Variants in RNF212 observed in about 807,000 individuals in gnomAD.
The protein encoded by RNF212 is probable E3 SUMO-protein ligase RNF212.
Under a neutral mutation model 34.7 loss-of-function variants are expected in RNF212, and 33 were observed. The observed-to-expected ratio is 0.95, with a 90% CI of 0.72 to 1.27. The LOEUF is 1.27. RNF212 is among the 50% of genes most tolerant of loss of function. The pLI, the probability that RNF212 is intolerant of heterozygous loss-of-function variation, is 0.00. For synonymous variants in RNF212, 140 were observed against 136.1 expected (o/e 1.03, Z -0.20); for missense variants, 377 against 362.2 (o/e 1.04, Z -0.33).
intron 3 of RNF212, among the ~76,000 whole-genome samples, chr4:1,062,186 A>C (rs1016974058): frequency 6.6e-6 from 1 of 152,208 alleles, no homozygotes; most frequent in Non-Finnish European, 1.5e-5. Flanking sequence ...CAAGGAAAGA[A>C]GTGTGCTGAC....
chr4:1,097,759 C>T (rs796350278), intron 2 of RNF212, among the ~76,000 whole-genome samples: 51 of 152,178 alleles, frequency 3.4e-4, no homozygotes, highest in African/African-American at 9.6e-4. Flanking sequence ...ATGGAGCTGC[C>T]GTGAGCTAGA....
chr4:1,090,636 A>G (rs1166919196), intron 4 of RNF212, 146 bp downstream of exon 4: 5 of 641,860 alleles, frequency 7.8e-6, no homozygotes, highest in Non-Finnish European at 1.4e-5. Flanking sequence ...AGACAGTGAC[A>G]ACGTCCCCAT....
rs768615442 is a variant in RNF212, at chr4:1,113,513, G to C, written c.-49C>G. The C allele has an allele frequency of 1.3e-6, 2 of 1,507,662 alleles. No individual in the cohort carries two copies. The highest frequency in any genetic ancestry group is 1.2e-5 in the South Asian group (1 of 86,080). 93.4% of individuals were successfully genotyped at this position (1,507,662 alleles called of 1,614,324 possible). A position where few individuals can be genotyped will look rare whatever the true frequency, so the allele number is the denominator to read the frequency against. ...GAGGCCGGGCCCACGCGAAGCCCAC[G>C]CAAGGTTGGGACCAGCCTCCCCGCG... On this transcript the variant is annotated 5_prime_UTR_variant, in exon 1 of 10. Coordinates refer to ENST00000433731, the MANE Select transcript of RNF212 (RefSeq NM_001131034.4).
At chr4:1,092,745 G>C (rs1560136401) in intron 3 of RNF212, among the ~76,000 whole-genome samples, 1 of 152,256 alleles carries the variant, frequency 6.6e-6, no homozygotes, top group African/African-American at 2.4e-5. Context: ...GGGCCCCAAG[G>C]AAGAGCTGCC....
chr4:1,056,746 T>A, intron 4 of RNF212: 1 of 707,006 alleles, frequency 1.4e-6, no homozygotes, highest in Non-Finnish European at 1.7e-6. Context: ...TAGAGCTCCA[T>A]GGCTGCCCTT....
chr4:1,099,141 T>C (rs930281989), intron 2 of RNF212, among the ~76,000 whole-genome samples: 1 of 152,142 alleles, frequency 6.6e-6, no homozygotes, highest in Non-Finnish European at 1.5e-5. Context: ...CAGCCATTCC[T>C]CCACCCCGGC....
In RNF212 at chr4:1,113,543, G is replaced by T; in HGVS notation, c.-79C>A. 8.3e-7 allele frequency: 1 copy of T among 1,210,442 alleles called. No homozygotes were observed. Among genetic ancestry groups the T allele is most frequent in the Non-Finnish European group, 1.2e-6 (1 of 859,524 alleles). 75.0% of individuals were successfully genotyped at this position (1,210,442 alleles called of 1,614,324 possible). A position where few individuals can be genotyped will look rare whatever the true frequency, so the allele number is the denominator to read the frequency against. The stretch of plus-strand genomic sequence containing the variant: ...GTTGGGACCAGCCTCCCCGCGCAGG[G>T]CCCGAAGGCGGGCAGCTCTGCGCCT... On this transcript the variant is annotated 5_prime_UTR_variant, in exon 1 of 10. Transcript: ENST00000433731.
At chr4:1,082,149 G>A (rs1450808139) in intron 5 of RNF212, among the ~76,000 whole-genome samples, 1 of 152,106 alleles carries the variant, frequency 6.6e-6, no homozygotes, top group Non-Finnish European at 1.5e-5. Context: ...AGGGGAAAGG[G>A]AAAGGAAAGA....
chr4:1,084,354 G>A (rs1324794276), intron 5 of RNF212, among the ~76,000 whole-genome samples: 1 of 152,180 alleles, frequency 6.6e-6, no homozygotes, highest in Non-Finnish European at 1.5e-5. Flanking sequence ...AGGAGGCTTT[G>A]CTGTCCACAT....
chr4:1,079,264 G>A (rs1033184436), intron 8 of RNF212, among the ~76,000 whole-genome samples: 8 of 142,044 alleles, frequency 5.6e-5, no homozygotes, highest in South Asian at 2.3e-4. Context: ...GGACCAACAT[G>A]GGACCAACAC....
At chr4:1,102,167 G>T (rs913716378) in intron 2 of RNF212, among the ~76,000 whole-genome samples, 2 of 152,006 alleles carry the variant, frequency 1.3e-5, no homozygotes, top group African/African-American at 4.8e-5. Flanking sequence ...ACTAAATCCA[G>T]ACAAAAAGGA....
At chr4:1,090,286 G>T (rs1721980719) in intron 4 of RNF212, among the ~76,000 whole-genome samples, 1 of 152,068 alleles carries the variant, frequency 6.6e-6, no homozygotes, top group African/African-American at 2.4e-5. Flanking sequence ...TCCAGGTTTG[G>T]GTGTACACAG....
At chr4:1,083,041 T>A (rs747946336) in intron 5 of RNF212, among the ~76,000 whole-genome samples, 10 of 151,956 alleles carry the variant, frequency 6.6e-5, no homozygotes, top group Non-Finnish European at 1.5e-4. Flanking sequence ...CTGGGGCGGG[T>A]CAGCTGGGCT....
At chr4:1,112,201 T>C (rs1725789698) in intron 1 of RNF212, among the ~76,000 whole-genome samples, 1 of 152,166 alleles carries the variant, frequency 6.6e-6, no homozygotes, top group Non-Finnish European at 1.5e-5. Flanking sequence ...AGCTGAGCTC[T>C]GCCTTGAAAG....
At chr4:1,091,422 G>C (rs1173243756) in intron 3 of RNF212, among the ~76,000 whole-genome samples, 1 of 152,200 alleles carries the variant, frequency 6.6e-6, no homozygotes, top group Non-Finnish European at 1.5e-5. Flanking sequence ...AGGAAGAAAA[G>C]AGCTATTTCG....
At chr4:1,086,708 G>A (rs1560124420) in intron 4 of RNF212, among the ~76,000 whole-genome samples, 1 of 9,872 alleles carries the variant, frequency 1.0e-4, no homozygotes, top group African/African-American at 6.9e-4. Flanking sequence ...ACAGGGGTGG[G>A]GGTGAGAGGA....
intron 7 of RNF212, among the ~76,000 whole-genome samples, 194 bp downstream of exon 7, chr4:1,081,225 T>G (rs796955315): frequency 1.2e-4 from 19 of 152,008 alleles, no homozygotes; most frequent in African/African-American, 4.3e-4. Context: ...ATTGGCCACC[T>G]GGATCACACA....
chr4:1,058,354 G>A (rs1475265588), exon 4 of RNF212: 1 of 984,398 alleles, frequency 1.0e-6, no homozygotes, highest in Non-Finnish European at 1.2e-6. Context: ...CTGACTCGTT[G>A]TCAGGCCGGG....
chr4:1,059,372 C>T (rs1717585149), intron 3 of RNF212, among the ~76,000 whole-genome samples: 1 of 152,218 alleles, frequency 6.6e-6, no homozygotes, highest in Non-Finnish European at 1.5e-5. Context: ...GTGAGTGCTG[C>T]CTTCACTTCT....
Sources: gnomAD v4.1 joint callset for allele counts (sites outside exome capture counted in the v4.1 genomes callset) on GRCh38, gnomAD v4.1.1 for gene constraint, MANE v1.5 for transcripts, NCBI Gene and HGNC (gene_info 2026-07-23, HGNC 2026-07-21) for gene names.